Variants in ARHGEF38 observed in about 807,000 individuals in gnomAD.
The protein encoded by ARHGEF38 is Rho guanine nucleotide exchange factor 38.
Under a neutral mutation model 79.9 loss-of-function variants are expected in ARHGEF38, and 79 were observed. The observed-to-expected ratio is 0.99, with a 90% CI of 0.82 to 1.19. ARHGEF38 has a LOEUF of 1.19. Ranked by LOEUF, ARHGEF38 falls within the 50% of genes most tolerant of loss-of-function variation. ARHGEF38 has a pLI of 0.00. For missense variants in ARHGEF38, 962 were observed against 907.2 expected, an observed-to-expected ratio of 1.06 and a Z score of -0.78; for synonymous variants, 366 against 328.3, an observed-to-expected ratio of 1.11 and a Z score of -1.24.
intron 7 of ARHGEF38, among the ~76,000 whole-genome samples, chr4:105,651,006 G>A (rs543134258): frequency 1.2e-4 from 18 of 152,224 alleles, no homozygotes; most frequent in Admixed American, 2.6e-4. Flanking sequence ...GTAAATGTAG[G>A]GCAAACAATT....
chr4:105,632,365 C>T (rs1319833823), intron 4 of ARHGEF38, among the ~76,000 whole-genome samples: 1 of 151,932 alleles, frequency 6.6e-6, no homozygotes, highest in African/African-American at 2.4e-5. Flanking sequence ...TAGATTCTGC[C>T]CTAAGGAACT....
intron 9 of ARHGEF38, among the ~76,000 whole-genome samples, chr4:105,656,368 G>T (rs1730325869): frequency 6.6e-6 from 1 of 152,134 alleles, no homozygotes. Flanking sequence ...ACTCACTGAG[G>T]ATATGACACT....
chr4:105,571,486 C>A (rs978566708), intron 1 of ARHGEF38, among the ~76,000 whole-genome samples: 8 of 151,918 alleles, frequency 5.3e-5, no homozygotes, highest in African/African-American at 1.9e-4. Flanking sequence ...CCATGCCCAG[C>A]TAATTTTTTG....
intron 10 of ARHGEF38, among the ~76,000 whole-genome samples, chr4:105,662,394 T>C (rs1475138805): frequency 2.0e-5 from 3 of 152,166 alleles, no homozygotes; most frequent in Non-Finnish European, 2.9e-5. Context: ...ATGCTAATGT[T>C]TGTGTTTTTA....
At chr4:105,557,981 G>T (rs1421176938) in intron 1 of ARHGEF38, among the ~76,000 whole-genome samples, 5 of 152,084 alleles carry the variant, frequency 3.3e-5, no homozygotes, top group African/African-American at 4.8e-5. Flanking sequence ...CATTACCACT[G>T]CCGGTAACAC....
chr4:105,571,301 C>T (rs1726215213), intron 1 of ARHGEF38, among the ~76,000 whole-genome samples: 2 of 147,968 alleles, frequency 1.4e-5, no homozygotes, highest in African/African-American at 5.0e-5. Flanking sequence ...ACTCATACCT[C>T]ATCCTTTTTT....
Position 105,594,175 on chromosome 4 carries a change from C to T in ARHGEF38, c.384+4740C>T, listed in dbSNP as rs538945495. On this transcript the variant is annotated intron_variant, in intron 2 of 13. Coordinates refer to ENST00000420470, the MANE Select transcript of ARHGEF38 (RefSeq NM_001242729.2). ...TTTTCCCACTTCTCAAAACTTTTAA[C>T]CTTTGATTAAGTAAATAAATGTTCG... 3.3e-5 allele frequency among the ~76,000 whole-genome samples: 5 copies of T among 152,266 alleles called. No homozygotes were observed. The South Asian group carries it at 8.3e-4, about 25-fold the overall frequency.
At chr4:105,561,480 GAATAGAATAGAATA>G (rs1560684635) in intron 1 of ARHGEF38, 3 of 134,198 alleles carry the variant, frequency 2.2e-5, no homozygotes, top group Non-Finnish European at 4.8e-5. Context: ...GAATAGAATA[GAATAGAATAGAATA>G]GAATAGAATA....
At chr4:105,585,726 C>CTTTTTTTGTTTT (rs1727004367) in intron 1 of ARHGEF38, among the ~76,000 whole-genome samples, 1 of 71,504 alleles carries the variant, frequency 1.4e-5, no homozygotes, top group Non-Finnish European at 2.4e-5. Context: ...CCCTCCGTTG[C>CTTTTTTTGTTTT]TTTTTTTTTT....
intron 10 of ARHGEF38, among the ~76,000 whole-genome samples, chr4:105,662,086 G>T (rs1253886257): frequency 6.6e-6 from 1 of 152,152 alleles, no homozygotes; most frequent in Non-Finnish European, 1.5e-5. Context: ...CTTGTAACAT[G>T]TAAGAAAGCT....
At chr4:105,595,060 T>C (rs1043564337) in intron 2 of ARHGEF38, among the ~76,000 whole-genome samples, 19 of 152,318 alleles carry the variant, frequency 1.2e-4, no homozygotes, top group Admixed American at 1.0e-3. Context: ...TTGAGTACTG[T>C]ACTTATTTTT....
chr4:105,570,741 T>A (rs533535894), intron 1 of ARHGEF38, among the ~76,000 whole-genome samples: 1 of 152,300 alleles, frequency 6.6e-6, no homozygotes, highest in Non-Finnish European at 1.5e-5. Context: ...CAATTCAAGA[T>A]GAGATTTGGG....
At chr4:105,587,936 C>T (rs2593304) in intron 1 of ARHGEF38, among the ~76,000 whole-genome samples, 7,509 of 152,238 alleles carry the variant, frequency 0.049, 224 homozygotes, top group Middle Eastern at 0.14. Flanking sequence ...CCTAGTATAG[C>T]TTCCAAACTG....
At chr4:105,661,731 C>G (rs991685119) in intron 10 of ARHGEF38, among the ~76,000 whole-genome samples, 1 of 151,936 alleles carries the variant, frequency 6.6e-6, no homozygotes, top group African/African-American at 2.4e-5. Context: ...TTCCAGTTCC[C>G]CATAAAGATC....
Position 105,673,260 on chromosome 4 carries a change from C to G in ARHGEF38, c.2149-4492C>G, listed in dbSNP as rs548642402. Among the ~76,000 whole-genome samples the G allele has an allele frequency of 2.1e-4, 32 of 152,114 alleles. No individual in the cohort carries two copies. In the South Asian group the frequency reaches 6.6e-3, roughly 32 times the overall value. On this transcript the variant is annotated intron_variant, in intron 13 of 13. Transcript: ENST00000420470. ...GGGGTCCATCCTAGAATTCTGCCTTCCAGAGTGTCTAAGATGCCTTGTTTG... is the reference window on the plus strand; with the variant it reads ...GGGGTCCATCCTAGAATTCTGCCTTGCAGAGTGTCTAAGATGCCTTGTTTG...
In ARHGEF38 at chr4:105,680,423, C is replaced by T. The variant is rs1031871038; in HGVS notation, c.*2486C>T. ...GGAATACAATGCTGTGCAAGACAAA[C>T]AAGATCCCTCCATTCATACCACTTA... On this transcript the variant is annotated 3_prime_UTR_variant, in exon 14 of 14. Transcript: ENST00000420470. 5.7e-6 allele frequency: 1 copy of T among 174,954 alleles called. No homozygotes were observed. The highest frequency in any genetic ancestry group is 2.4e-5 in the African/African-American group (1 of 42,006). 10.8% of individuals were successfully genotyped at this position (174,954 alleles called of 1,614,324 possible).
chr4:105,577,743 T>A (rs1188732013), intron 1 of ARHGEF38, among the ~76,000 whole-genome samples: 2 of 152,168 alleles, frequency 1.3e-5, no homozygotes, highest in African/African-American at 4.8e-5. Context: ...TCTCAAATGA[T>A]CATTTTTTAT....
chr4:105,618,503 C>A (rs1054072042), intron 3 of ARHGEF38, among the ~76,000 whole-genome samples: 3 of 152,134 alleles, frequency 2.0e-5, no homozygotes, highest in Non-Finnish European at 2.9e-5. Flanking sequence ...CACCTGTAGT[C>A]CCAGCTACTC....
chr4:105,662,352 T>G (rs968704932), intron 10 of ARHGEF38, among the ~76,000 whole-genome samples: 51 of 152,164 alleles, frequency 3.4e-4, no homozygotes, highest in African/African-American at 1.2e-3. Context: ...CAAGTTAACC[T>G]TTGTCTTTGA....
Sources: allele counts gnomAD v4.1 joint callset (sites outside exome capture counted in the v4.1 genomes callset), GRCh38; gene constraint gnomAD v4.1.1; transcripts MANE v1.5; gene names NCBI Gene and HGNC (gene_info 2026-07-23, HGNC 2026-07-21).